ENOX2: variants seen among roughly 807,000 people sequenced by gnomAD.
The protein encoded by ENOX2 is ecto-NOX disulfide-thiol exchanger 2, also known as APK1 antigen.
A neutral mutation model predicts 45.0 loss-of-function variants in ENOX2; 36 were observed. The ratio of observed to expected loss-of-function variants is 0.80; its 90% CI spans 0.61 to 1.06. The LOEUF (loss-of-function observed/expected upper bound fraction) is 1.06. ENOX2 is among the 50% of genes least tolerant of loss of function. The probability of loss-of-function intolerance (pLI) is 0.00; values close to 1 mark genes in which losing one functional copy is unlikely to be tolerated. For missense variants in ENOX2, 423 were observed against 462.5 expected, an observed-to-expected ratio of 0.91 and a Z score of 0.78; for synonymous variants, 174 against 152.3, an observed-to-expected ratio of 1.14 and a Z score of -1.05.
intron 9 of ENOX2, among the ~76,000 whole-genome samples, chrX:130,659,223 A>C (rs5977339): frequency 0.013 from 1,447 of 112,368 alleles, 22 homozygotes; most frequent in African/African-American, 0.044. Context: ...AGTCATTATC[A>C]CAACCAACAT....
intron 2 of ENOX2, among the ~76,000 whole-genome samples, chrX:130,806,455 G>C (rs1278937522): frequency 8.9e-6 from 1 of 111,776 alleles, no homozygotes; most frequent in African/African-American, 3.3e-5. Context: ...GATAATGAGT[G>C]GACAATAGAA....
intron 2 of ENOX2, among the ~76,000 whole-genome samples, chrX:130,816,044 G>A (rs1489619132): frequency 9.0e-6 from 1 of 111,628 alleles, no homozygotes; most frequent in Non-Finnish European, 1.9e-5. Context: ...TAAAGGGATG[G>A]AGGAATATTT....
intron 2 of ENOX2, among the ~76,000 whole-genome samples, chrX:130,793,334 T>C (rs2148415158): frequency 8.9e-6 from 1 of 112,405 alleles, no homozygotes; most frequent in South Asian, 3.7e-4. Context: ...AGCTTTGCAT[T>C]CCTCTTCTAA....
chrX:130,670,124 G>T lies in ENOX2; in HGVS notation c.535C>A (p.Arg179=). The T allele has an allele frequency of 8.3e-7, 1 of 1,210,355 alleles. No individual in the cohort carries two copies. The highest frequency in any genetic ancestry group is 3.0e-5 in the East Asian group (1 of 33,808). Residue 179 remains arginine, a synonymous_variant, in exon 7 of 15, where the codon CGA becomes AGA. Coordinates refer to ENST00000394363, the MANE Select transcript of ENOX2 (RefSeq NM_006375.4). ...CACTCCCACTCATACAGGTCATCTCGAGCCTGTGCGAAATCAACGTGGAGT... is the reference window on the plus strand; with the variant it reads ...CACTCCCACTCATACAGGTCATCTCTAGCCTGTGCGAAATCAACGTGGAGT... ...GRLHVDFAQA[R]DDLYEWECKQ... is the part of the protein sequence containing the mutation.
intron 2 of ENOX2, among the ~76,000 whole-genome samples, chrX:130,851,823 G>A (rs911263078): frequency 8.9e-6 from 1 of 111,943 alleles, no homozygotes; most frequent in Non-Finnish European, 1.9e-5. Flanking sequence ...GTAAAATCTG[G>A]ATTCAATTCA....
At chrX:130,673,801 A>C (rs377573196) in intron 6 of ENOX2, among the ~76,000 whole-genome samples, 48 of 112,151 alleles carry the variant, frequency 4.3e-4, no homozygotes, top group African/African-American at 1.5e-3. Context: ...CTTGCAAGGG[A>C]TGTAGACACC....
intron 10 of ENOX2, among the ~76,000 whole-genome samples, chrX:130,655,501 C>T (rs925400726): frequency 2.7e-5 from 3 of 111,695 alleles, no homozygotes; most frequent in African/African-American, 6.5e-5. Flanking sequence ...CACACACACA[C>T]GCACACACAC....
intron 3 of ENOX2, 109 bp from the exon 4 acceptor site, chrX:130,703,363 G>A: frequency 1.3e-6 from 1 of 764,519 alleles, no homozygotes; most frequent in Non-Finnish European, 1.8e-6. Flanking sequence ...CTGGAGAAAT[G>A]GACAAGTGGT....
intron 3 of ENOX2, among the ~76,000 whole-genome samples, chrX:130,758,785 G>C (rs1298404516): frequency 2.7e-5 from 3 of 111,618 alleles, no homozygotes; most frequent in African/African-American, 9.8e-5. Flanking sequence ...ATCTCATTGT[G>C]ACTTTAATTT....
intron 2 of ENOX2, among the ~76,000 whole-genome samples, chrX:130,872,723 G>C (rs1339913590): frequency 8.9e-6 from 1 of 111,747 alleles, no homozygotes; most frequent in Admixed American, 9.5e-5. Context: ...ACAGAACAGA[G>C]GCTGCAAAAA....
chrX:130,678,835 A>C (rs1238699617), intron 6 of ENOX2, among the ~76,000 whole-genome samples: 1 of 111,901 alleles, frequency 8.9e-6, no homozygotes, highest in Non-Finnish European at 1.9e-5. Flanking sequence ...CATTCTGCCT[A>C]GCAGTCAATA....
chrX:130,796,586 C>T lies in ENOX2; in HGVS notation c.-182-12896G>A, dbSNP rs189004052. ...GTATTGGGATAAAGATGGGGAAAAG[C>T]ATTTTCATAATAGGTCTCAGACTTG... On this transcript the variant is annotated intron_variant, in intron 2 of 14. Transcript: ENST00000394363. 5.4e-5 allele frequency among the ~76,000 whole-genome samples: 6 copies of T among 111,782 alleles called. No individual in the cohort carries two copies. The East Asian group carries it at 1.7e-3, about 31-fold the overall frequency.
rs182978353 is a variant in ENOX2 at position 130,714,324 on chromosome X, A to G, written c.-38-11070T>C. On this transcript the variant is annotated intron_variant, in intron 3 of 14. Transcript: ENST00000394363. ...ACCGTTTACTCACCATGTAGCAATC[A>G]CTTACACCTGTGTTTGTCAAAGTAC... Among the ~76,000 whole-genome samples the G allele has an allele frequency of 7.5e-4, 84 of 112,032 alleles. 1 individual carries two copies. The highest frequency in any genetic ancestry group is 2.6e-3 in the African/African-American group (80 of 30,859).
intron 2 of ENOX2, among the ~76,000 whole-genome samples, chrX:130,878,149 T>C (rs2078742323): frequency 8.9e-6 from 1 of 112,206 alleles, no homozygotes; most frequent in Admixed American, 9.4e-5. Flanking sequence ...CCTTAGATCA[T>C]ATTCCATGTT....
chrX:130,758,381 C>T (rs2039401843), intron 3 of ENOX2, among the ~76,000 whole-genome samples: 1 of 112,119 alleles, frequency 8.9e-6, no homozygotes, highest in African/African-American at 3.2e-5. Context: ...AGCATGTAAC[C>T]TTTCAGGCTT....
At chrX:130,892,901 G>A (rs2079006100) in intron 2 of ENOX2, among the ~76,000 whole-genome samples, 1 of 112,520 alleles carries the variant, frequency 8.9e-6, no homozygotes, top group East Asian at 2.8e-4. Flanking sequence ...ATTAATAGGT[G>A]ATAAAGCAAA....
intron 2 of ENOX2, among the ~76,000 whole-genome samples, chrX:130,874,397 C>T (rs1466571734): frequency 8.9e-6 from 1 of 112,354 alleles, no homozygotes; most frequent in Non-Finnish European, 1.9e-5. Context: ...AAGCCATCAT[C>T]ACAGGGTTGG....
At chrX:130,786,246 T>C (rs1240736095) in intron 2 of ENOX2, among the ~76,000 whole-genome samples, 1 of 112,367 alleles carries the variant, frequency 8.9e-6, no homozygotes, top group African/African-American at 3.2e-5. Flanking sequence ...CTGATGCTGA[T>C]TATATCAACA....
At chrX:130,797,858 G>C (rs908823553) in intron 2 of ENOX2, among the ~76,000 whole-genome samples, 2 of 111,529 alleles carry the variant, frequency 1.8e-5, no homozygotes, top group African/African-American at 6.5e-5. Flanking sequence ...TGTTCTGTGT[G>C]TGTGTGTTGT....
Sources: allele counts gnomAD v4.1 joint callset (sites outside exome capture counted in the v4.1 genomes callset), GRCh38; gene constraint gnomAD v4.1.1; transcripts MANE v1.5; gene names NCBI Gene and HGNC (gene_info 2026-07-23, HGNC 2026-07-21).